CTDSPL: variants seen among roughly 807,000 people sequenced by gnomAD.
CTDSPL encodes CTD small phosphatase like.
CTDSPL carries 8 observed loss-of-function variants against 30.5 expected under a neutral mutation model. The ratio of observed to expected loss-of-function variants is 0.26; its 90% confidence interval spans 0.15 to 0.47. CTDSPL has a LOEUF of 0.47. Ranked by LOEUF, CTDSPL falls within the 20% of genes least tolerant of loss-of-function variation. The pLI, the probability that CTDSPL is intolerant of heterozygous loss-of-function variation, is 0.99. For synonymous variants in CTDSPL, 110 were observed against 137.9 expected (o/e 0.80, Z 1.42); for missense variants, 248 against 366.1 (o/e 0.68, Z 2.63).
chr3:37,931,236 C>T lies in CTDSPL; in HGVS notation c.80-15821C>T, dbSNP rs552756816. On this transcript the variant is annotated intron_variant, in intron 1 of 7. Coordinates refer to ENST00000273179, the MANE Select transcript of CTDSPL (RefSeq NM_001008392.2). ...ACTCACAGCTTATTGCAGCCTTGAACTCCTGGGCTCAAGCAATCCTCCCAC... is the reference window on the plus strand; with the variant it reads ...ACTCACAGCTTATTGCAGCCTTGAATTCCTGGGCTCAAGCAATCCTCCCAC... 2.0e-5 allele frequency among the ~76,000 whole-genome samples: 3 copies of T among 151,554 alleles called. No homozygotes were observed. In the East Asian group the frequency reaches 5.8e-4, roughly 29 times the overall value.
At chr3:37,948,176 C>T (rs1283427383) in intron 2 of CTDSPL, among the ~76,000 whole-genome samples, 5 of 151,646 alleles carry the variant, frequency 3.3e-5, no homozygotes, top group Non-Finnish European at 5.9e-5. Context: ...CCCAGCTACT[C>T]GGGAGGCTGA....
At position 37,862,104 on chromosome 3, in the gene CTDSPL, C is replaced by CCCCCCGCGCCGCG. The variant is rs938459909; in HGVS notation, c.-85_-73dup. ...GCGCCCAGGCAGCGGCTGCGAGCGC[C>CCCCCCGCGCCGCG]CCCCCGCGCCGCGCCCCCGCGCCCC... On this transcript the variant is annotated 5_prime_UTR_variant, in exon 1 of 8. Transcript: ENST00000273179. This position sits in a 1 kb window ranked among gnomAD's most constrained non-coding sequence, Gnocchi z 4.3. 9.8e-6 allele frequency: 3 copies of CCCCCCGCGCCGCG among 306,436 alleles called. No homozygotes were observed. Among genetic ancestry groups the CCCCCCGCGCCGCG allele is most frequent in the African/African-American group, 4.7e-5 (2 of 42,436 alleles). The allele number at this position is 306,436 out of a possible 1,614,324, so 19.0% of individuals were successfully genotyped here.
chr3:37,928,702 G>C (rs1336239852), intron 1 of CTDSPL, among the ~76,000 whole-genome samples: 1 of 152,018 alleles, frequency 6.6e-6, no homozygotes, highest in African/African-American at 2.4e-5. Context: ...TGGATATATT[G>C]TTTGCATATA....
chr3:37,862,205 CG>C lies in CTDSPL; in HGVS notation c.8del (p.Gly3AlafsTer8), dbSNP rs2125584587. MD[G>X]PAIITQVTNP... ...GGCCGCCGCGCCGCGCACCCATGGA[CG>C]GCCCGGCCATCATCACCCAGGTGAC... On this transcript the variant is annotated frameshift_variant, in exon 1 of 8. Coordinates refer to ENST00000273179, the MANE Select transcript of CTDSPL (RefSeq NM_001008392.2). LOFTEE classifies it high-confidence loss of function. The surrounding 1 kb of genome is among the most constrained non-coding windows in gnomAD (Gnocchi z 4.3). 7.2e-7 allele frequency: 1 copy of C among 1,387,212 alleles called. No individual in the cohort carries two copies. Among genetic ancestry groups the C allele is most frequent in the Admixed American group, 2.9e-5 (1 of 34,794 alleles). 85.9% of individuals were successfully genotyped at this position (1,387,212 alleles called of 1,614,324 possible). A position where few individuals can be genotyped will look rare whatever the true frequency, so the allele number is the denominator to read the frequency against.
At chr3:37,962,745 G>A (rs192666627) in intron 3 of CTDSPL, among the ~76,000 whole-genome samples, 10 of 152,316 alleles carry the variant, frequency 6.6e-5, no homozygotes, top group Non-Finnish European at 1.2e-4. Context: ...GGACTGGATA[G>A]ACACTAATGT....
At chr3:37,958,042 C>T (rs1233537245) in intron 3 of CTDSPL, among the ~76,000 whole-genome samples, 1 of 152,170 alleles carries the variant, frequency 6.6e-6, no homozygotes, top group Non-Finnish European at 1.5e-5. Context: ...TTACTTGATT[C>T]AAATGTGTTC....
chr3:37,967,667 T>C (rs1699313236), intron 4 of CTDSPL, among the ~76,000 whole-genome samples, 159 bp from the exon 5 acceptor site: 1 of 152,214 alleles, frequency 6.6e-6, no homozygotes, highest in Non-Finnish European at 1.5e-5. Flanking sequence ...TTCCTGCTTG[T>C]GCTTATTTTA....
Position 37,975,589 on chromosome 3 carries a change from A to G in CTDSPL, c.520-120A>G. Reference sequence around the variant, plus strand: ...CGGAGAGGAAAATAACCAGGATCCTAAGACACATCTAATTATTAAATCCAT... The same window carrying G: ...CGGAGAGGAAAATAACCAGGATCCTGAGACACATCTAATTATTAAATCCAT... On this transcript the variant is annotated intron_variant, in intron 6 of 7. Coordinates refer to ENST00000273179, the MANE Select transcript of CTDSPL (RefSeq NM_001008392.2). This position sits in a 1 kb window ranked among gnomAD's most constrained non-coding sequence, Gnocchi z 4.9. 1 of 856,004 alleles carries G rather than the reference A, an allele frequency of 1.2e-6. No homozygotes were observed. The allele number at this position is 856,004 out of a possible 1,614,324, so 53.0% of individuals were successfully genotyped here.
At chr3:37,892,445 AT>A (rs902541496) in intron 1 of CTDSPL, among the ~76,000 whole-genome samples, 3 of 152,128 alleles carry the variant, frequency 2.0e-5, no homozygotes, top group African/African-American at 7.2e-5. Flanking sequence ...CTTATAACAT[AT>A]TTTTTTAATA....
intron 3 of CTDSPL, among the ~76,000 whole-genome samples, chr3:37,962,022 G>A (rs148680933): frequency 9.2e-5 from 14 of 152,212 alleles, no homozygotes; most frequent in East Asian, 3.9e-4. Flanking sequence ...CCCACCCCCC[G>A]GCAATGCTCT....
chr3:37,885,747 A>T (rs912448607), intron 1 of CTDSPL, among the ~76,000 whole-genome samples: 1 of 152,180 alleles, frequency 6.6e-6, no homozygotes, highest in African/African-American at 2.4e-5. Flanking sequence ...AGGAAAAAAG[A>T]TGTGAGAAAG....
At chr3:37,892,746 T>C (rs1402216781) in intron 1 of CTDSPL, among the ~76,000 whole-genome samples, 1 of 152,136 alleles carries the variant, frequency 6.6e-6, no homozygotes, top group Non-Finnish European at 1.5e-5. Flanking sequence ...TCCCTACCTG[T>C]AAATGGGAGG....
Position 37,882,568 on chromosome 3 carries a change from G to A in CTDSPL, c.79+20290G>A, listed in dbSNP as rs766571633. The stretch of plus-strand genomic sequence containing the variant: ...GGAGGCAGAGGTTGCAATGAGCCGA[G>A]ATTGAGCCACTGCACTCTAGCCTGA... On this transcript the variant is annotated intron_variant, in intron 1 of 7. Coordinates refer to ENST00000273179, the MANE Select transcript of CTDSPL (RefSeq NM_001008392.2). Among the ~76,000 whole-genome samples, 20 of 152,196 alleles carry A rather than the reference G, an allele frequency of 1.3e-4. 1 individual carries two copies. Among genetic ancestry groups the A allele is most frequent in the Non-Finnish European group, 2.1e-4 (14 of 68,008 alleles).
In CTDSPL at chr3:37,982,584, A is replaced by G. The variant is rs1369310604; in HGVS notation, c.*1717A>G. On this transcript the variant is annotated 3_prime_UTR_variant, in exon 8 of 8. Transcript: ENST00000273179. Reference sequence around the variant, plus strand: ...CACAAAGTAATGAAGCCAGCTGCCAATTACATCCTCCCAACAGCACTTTGG... The same window carrying G: ...CACAAAGTAATGAAGCCAGCTGCCAGTTACATCCTCCCAACAGCACTTTGG... The G allele has an allele frequency of 2.2e-6, 1 of 456,706 alleles. No homozygotes were observed. The highest frequency in any genetic ancestry group is 2.3e-5 in the Admixed American group (1 of 42,576). 28.3% of individuals were successfully genotyped at this position (456,706 alleles called of 1,614,324 possible).
intron 1 of CTDSPL, among the ~76,000 whole-genome samples, chr3:37,933,442 A>G (rs9311167): frequency 0.24 from 36,588 of 152,036 alleles, 5,198 homozygotes; most frequent in African/African-American, 0.39. Context: ...ATTTTATTTA[A>G]TTTTGTATTT....
chr3:37,873,016 C>T (rs1399295477), intron 1 of CTDSPL, among the ~76,000 whole-genome samples: 4 of 152,190 alleles, frequency 2.6e-5, no homozygotes, highest in African/African-American at 9.6e-5. Context: ...GACACCACCT[C>T]AATGGGAAGG....
intron 1 of CTDSPL, among the ~76,000 whole-genome samples, chr3:37,907,495 G>A (rs1427156360): frequency 6.6e-6 from 1 of 152,170 alleles, no homozygotes; most frequent in South Asian, 2.1e-4. Context: ...TGTTGATATT[G>A]TTCACCCATA....
chr3:37,935,035 A>G (rs549130336), intron 1 of CTDSPL, among the ~76,000 whole-genome samples: 26 of 152,334 alleles, frequency 1.7e-4, no homozygotes, highest in African/African-American at 6.3e-4. Context: ...TTCATCTCAT[A>G]CTGACCACAG....
chr3:37,875,648 C>G (rs979668237), intron 1 of CTDSPL, among the ~76,000 whole-genome samples: 1 of 152,216 alleles, frequency 6.6e-6, no homozygotes, highest in African/African-American at 2.4e-5. Context: ...CTTAGCCTAT[C>G]ACACATTTGT....
Sources: allele counts gnomAD v4.1 joint callset (sites outside exome capture counted in the v4.1 genomes callset), GRCh38; gene constraint gnomAD v4.1.1; non-coding constraint Gnocchi (gnomAD v3.1); transcripts MANE v1.5; gene names NCBI Gene and HGNC (gene_info 2026-07-23, HGNC 2026-07-21).